The following ORC4 variants were observed in gnomAD, a reference collection of about 807,000 sequenced individuals.
ORC4 encodes the protein origin recognition complex, subunit 4 homolog.
ORC4 carries 55 observed loss-of-function variants against 63.9 expected under a neutral mutation model. The observed-to-expected ratio is 0.86, with a 90% CI of 0.69 to 1.08. The LOEUF (loss-of-function observed/expected upper bound fraction) is 1.08. Ranked by LOEUF, ORC4 falls within the 50% of genes least tolerant of loss-of-function variation. The pLI is 0.00. For missense variants in ORC4, 511 were observed against 504.4 expected (o/e 1.01, Z -0.13); for synonymous variants, 150 against 168.5 (o/e 0.89, Z 0.85).
At chr2:147,946,906 C>A (rs1688688441) in intron 9 of ORC4, among the ~76,000 whole-genome samples, 1 of 151,878 alleles carries the variant, frequency 6.6e-6, no homozygotes, top group African/African-American at 2.4e-5. Flanking sequence ...GGGAAACTTC[C>A]ACTGTTTATC....
intron 9 of ORC4, among the ~76,000 whole-genome samples, chr2:147,945,291 C>T (rs1408738874): frequency 2.6e-5 from 4 of 152,052 alleles, no homozygotes; most frequent in Non-Finnish European, 5.9e-5. Context: ...CCTACTTTAT[C>T]TCTTTATTTT....
intron 1 of ORC4, among the ~76,000 whole-genome samples, chr2:147,980,956 G>A (rs558883751): frequency 2.5e-4 from 38 of 152,116 alleles, no homozygotes; most frequent in African/African-American, 8.9e-4. Context: ...GCCAAAATAC[G>A]GAATCAACCT....
chr2:147,984,523 T>C (rs1481749309), intron 1 of ORC4, among the ~76,000 whole-genome samples: 1 of 152,156 alleles, frequency 6.6e-6, no homozygotes, highest in African/African-American at 2.4e-5. Context: ...CAACTGCTTT[T>C]GGTAGGGAGG....
chr2:147,943,460 G>T lies in ORC4; in HGVS notation c.825C>A (p.Asn275Lys), dbSNP rs1313452605. ...VLQKHFNISK[N>K]LRSLHMLLML... Reference sequence around the variant, plus strand: ...CCAATAGCATGTGTAATGACCGCAGGTTTTTGCTGATATTGAAATGCTTCT... The same window carrying T: ...CCAATAGCATGTGTAATGACCGCAGTTTTTTGCTGATATTGAAATGCTTCT... Residue 275 changes from asparagine to lysine, a missense_variant, in exon 10 of 14, where the codon AAC becomes AAA. By Grantham distance (94) the Asn-to-Lys change is moderately conservative. Coordinates refer to ENST00000392857, the MANE Select transcript of ORC4 (RefSeq NM_181741.4). 6.3e-7 allele frequency: 1 copy of T among 1,596,380 alleles called. No individual in the cohort carries two copies. Among genetic ancestry groups the T allele is most frequent in the Non-Finnish European group, 8.6e-7 (1 of 1,167,252 alleles).
intron 1 of ORC4, among the ~76,000 whole-genome samples, chr2:148,019,264 AT>A: frequency 6.6e-6 from 1 of 152,220 alleles, no homozygotes; most frequent in East Asian, 1.9e-4. Flanking sequence ...AACGTGGAAA[AT>A]TAGTAACTTT....
At chr2:148,019,922 G>A (rs1693589876) in intron 1 of ORC4, among the ~76,000 whole-genome samples, 1 of 152,260 alleles carries the variant, frequency 6.6e-6, no homozygotes, top group South Asian at 2.1e-4. Context: ...CAAAAACTAA[G>A]AATAGTAACC....
At chr2:147,961,330 G>A (rs904993854) in intron 4 of ORC4, among the ~76,000 whole-genome samples, 59 of 151,766 alleles carry the variant, frequency 3.9e-4, no homozygotes, top group African/African-American at 1.3e-3. Flanking sequence ...CCAGCTACTC[G>A]GGAGGCAAAT....
In ORC4 at chr2:147,952,981, G is replaced by A. The variant is rs545869980; in HGVS notation, c.437-457C>T. 3.5e-4 allele frequency among the ~76,000 whole-genome samples: 53 copies of A among 150,364 alleles called. No homozygotes were observed. In the South Asian group the frequency reaches 9.5e-3, roughly 27 times the overall value. On this transcript the variant is annotated intron_variant, in intron 7 of 13. Coordinates refer to ENST00000392857, the MANE Select transcript of ORC4 (RefSeq NM_181741.4). Reference sequence around the variant, plus strand: ...GCAGAGGTTGTGGTGAGCCAAGATCGTGCCACTGCACTCCAGCCTGGGCAA... The same window carrying A: ...GCAGAGGTTGTGGTGAGCCAAGATCATGCCACTGCACTCCAGCCTGGGCAA...
At chr2:148,006,345 G>T (rs1692629529) in intron 1 of ORC4, among the ~76,000 whole-genome samples, 1 of 152,152 alleles carries the variant, frequency 6.6e-6, no homozygotes. Flanking sequence ...ATCACATTCT[G>T]ACTAAAGTAG....
chr2:147,995,081 A>G (rs1156546918), intron 1 of ORC4, among the ~76,000 whole-genome samples: 1 of 151,804 alleles, frequency 6.6e-6, no homozygotes, highest in Admixed American at 6.6e-5. Flanking sequence ...TCAGCACTCT[A>G]TAAAAACGCA....
At chr2:147,962,786 C>T (rs1156598827) in intron 4 of ORC4, among the ~76,000 whole-genome samples, 1 of 152,026 alleles carries the variant, frequency 6.6e-6, no homozygotes, top group Non-Finnish European at 1.5e-5. Context: ...AACAGCCCCA[C>T]AATACCGTGC....
At chr2:148,010,064 T>C (rs543490078) in intron 1 of ORC4, among the ~76,000 whole-genome samples, 3 of 152,200 alleles carry the variant, frequency 2.0e-5, no homozygotes, top group East Asian at 3.9e-4. Context: ...TTGGAAACTA[T>C]ACAAACATAT....
At chr2:147,947,175 A>C (rs1184606699) in intron 9 of ORC4, among the ~76,000 whole-genome samples, 2 of 151,992 alleles carry the variant, frequency 1.3e-5, no homozygotes, top group African/African-American at 4.8e-5. Flanking sequence ...AGACTGTGTA[A>C]TTCTATTCAA....
rs555094093 is a variant in ORC4, at chr2:147,999,313, G to C, written c.-18+21320C>G. Among the ~76,000 whole-genome samples, 11 of 152,264 alleles carry C rather than the reference G, an allele frequency of 7.2e-5. No individual in the cohort carries two copies. The South Asian group carries it at 1.0e-3, about 14-fold the overall frequency. Reference sequence around the variant, plus strand: ...AGGGTATCAGACAAAAAGGTTTTGAGGGGGAGGAGAGGATTAAGAGAGTGT... The same window carrying C: ...AGGGTATCAGACAAAAAGGTTTTGACGGGGAGGAGAGGATTAAGAGAGTGT... On this transcript the variant is annotated intron_variant, in intron 1 of 13. Transcript: ENST00000392857.
intron 10 of ORC4, among the ~76,000 whole-genome samples, chr2:147,939,964 A>G (rs71411361): frequency 6.6e-6 from 1 of 152,142 alleles, no homozygotes; most frequent in Non-Finnish European, 1.5e-5. Flanking sequence ...ATAAACAATA[A>G]ATAGTTTCTT....
At chr2:147,986,495 T>C (rs1356603894) in intron 1 of ORC4, among the ~76,000 whole-genome samples, 2 of 152,142 alleles carry the variant, frequency 1.3e-5, no homozygotes, top group Admixed American at 6.5e-5. Context: ...AAGAATTCAC[T>C]GGGACTCAGC....
Position 147,935,410 on chromosome 2 carries a change from A to G in ORC4, c.*100T>C, listed in dbSNP as rs1322996445. The G allele has an allele frequency of 2.2e-6, 2 of 890,684 alleles. No homozygotes were observed. Among genetic ancestry groups the G allele is most frequent in the Non-Finnish European group, 3.7e-6 (2 of 540,268 alleles). The allele number at this position is 890,684 out of a possible 1,614,324, so 55.2% of individuals were successfully genotyped here. A position where few individuals can be genotyped will look rare whatever the true frequency, so the allele number is the denominator to read the frequency against. The stretch of plus-strand genomic sequence containing the variant: ...GGGCAAGTCTCACATAAATACAAGA[A>G]TGTTTATAGAATGTTTAGCATATCA... On this transcript the variant is annotated 3_prime_UTR_variant, in exon 14 of 14. Coordinates refer to ENST00000392857, the MANE Select transcript of ORC4 (RefSeq NM_181741.4).
At chr2:147,940,191 A>G (rs1688284097) in intron 10 of ORC4, among the ~76,000 whole-genome samples, 1 of 150,970 alleles carries the variant, frequency 6.6e-6, no homozygotes. Context: ...TTTTAACTTC[A>G]TTTTTCCATA....
At position 147,958,349 on chromosome 2, in the gene ORC4, C is replaced by A. The variant is rs1176530727; in HGVS notation, c.336G>T (p.Lys112Asn). 1 of 1,612,400 alleles carries A rather than the reference C, an allele frequency of 6.2e-7. No individual in the cohort carries two copies. Among genetic ancestry groups the A allele is most frequent in the Non-Finnish European group, 8.5e-7 (1 of 1,178,984 alleles). The stretch of plus-strand genomic sequence containing the variant: ...CCAGATTTAACTGCCTTGTGATTTC[C>A]TTTAGGGCGATTTTGTCATTGATCT... The part of the protein sequence containing the change: ...LLQINDKIAL[K>N]EITRQLNLEN... Residue 112 changes from lysine (K) to asparagine (N), a missense_variant, in exon 6 of 14, where the codon AAG becomes AAT. By Grantham distance (94) the Lys-to-Asn change is moderately conservative (BLOSUM62 0). Transcript: ENST00000392857.
Sources: allele counts gnomAD v4.1 joint callset (sites outside exome capture counted in the v4.1 genomes callset), GRCh38; gene constraint gnomAD v4.1.1; transcripts MANE v1.5; gene names NCBI Gene and HGNC (gene_info 2026-07-23, HGNC 2026-07-21).